The following FHIT variants were observed in gnomAD, a reference collection of about 807,000 sequenced individuals.
FHIT encodes bis(5'-adenosyl)-triphosphatase.
A neutral mutation model predicts 17.9 loss-of-function variants in FHIT; 19 were observed. The ratio of observed to expected loss-of-function variants is 1.06; its 90% CI spans 0.74 to 1.56. FHIT has a LOEUF of 1.56. Among genes scored for constraint, FHIT ranks in the 40% most tolerant of loss-of-function variants. The pLI is 0.00. For synonymous variants in FHIT, 81 were observed against 69.7 expected (o/e 1.16, Z -0.81); for missense variants, 248 against 189.2 (o/e 1.31, Z -1.82).
intron 4 of FHIT, among the ~76,000 whole-genome samples, chr3:60,555,040 G>A (rs142100975): frequency 8.5e-5 from 13 of 152,260 alleles, no homozygotes; most frequent in Non-Finnish European, 1.5e-4. Context: ...CATTTTTTAC[G>A]TAACAGTGTA....
chr3:60,529,959 G>A (rs932618329), intron 5 of FHIT, among the ~76,000 whole-genome samples: 4 of 151,760 alleles, frequency 2.6e-5, no homozygotes. Context: ...ATTTCTGGTT[G>A]CAAAAGTGAC....
intron 7 of FHIT, among the ~76,000 whole-genome samples, chr3:59,925,150 T>G (rs947817973): frequency 2.0e-5 from 3 of 151,856 alleles, no homozygotes; most frequent in African/African-American, 2.4e-5. Flanking sequence ...GTCACCCAGG[T>G]TGGAGTACAG....
At chr3:60,887,205 G>C (rs532864731) in intron 3 of FHIT, among the ~76,000 whole-genome samples, 4 of 151,986 alleles carry the variant, frequency 2.6e-5, no homozygotes, top group East Asian at 3.9e-4. Flanking sequence ...ACTTGTTTAG[G>C]TCGTCTAGAA....
intron 8 of FHIT, among the ~76,000 whole-genome samples, chr3:59,831,869 C>G (rs1024327983): frequency 6.6e-6 from 1 of 152,090 alleles, no homozygotes; most frequent in Admixed American, 6.6e-5. Flanking sequence ...AAGGGTATTG[C>G]TCCCCTTTCA....
chr3:59,933,143 A>G (rs2107236583), intron 7 of FHIT, among the ~76,000 whole-genome samples: 1 of 152,308 alleles, frequency 6.6e-6, no homozygotes, highest in Middle Eastern at 3.4e-3. Flanking sequence ...TGAGGCTGTC[A>G]GTTGAAAGAT....
intron 7 of FHIT, among the ~76,000 whole-genome samples, chr3:59,962,241 T>A (rs1398151459): frequency 6.6e-6 from 1 of 152,226 alleles, no homozygotes; most frequent in Non-Finnish European, 1.5e-5. Flanking sequence ...GGGAATATAA[T>A]CAGCCTTCTG....
At chr3:60,342,323 A>C (rs1710563158) in intron 5 of FHIT, among the ~76,000 whole-genome samples, 1 of 152,222 alleles carries the variant, frequency 6.6e-6, no homozygotes. Context: ...TTTAAAAGTC[A>C]CTGAATAGAC....
rs192261383 is a variant in FHIT, at chr3:60,761,115, A to G, written c.-18+60804T>C. On this transcript the variant is annotated intron_variant, in intron 4 of 9. Transcript: ENST00000492590. ...GGAAAGACTAATGACCTTTGACATT[A>G]AAATTTAAAATGTCCTGCATGCAAA... is the stretch of plus-strand genomic sequence containing the variant. 4.5e-3 allele frequency among the ~76,000 whole-genome samples: 684 copies of G among 152,332 alleles called. 8 individuals carry two copies. Among genetic ancestry groups the G allele is most frequent in the African/African-American group, 0.016 (664 of 41,578 alleles).
At chr3:60,378,690 G>A (rs1362002087) in intron 5 of FHIT, among the ~76,000 whole-genome samples, 1 of 152,168 alleles carries the variant, frequency 6.6e-6, no homozygotes, top group African/African-American at 2.4e-5. Flanking sequence ...ATTTCAAGAT[G>A]GGTGTGACAT....
chr3:60,128,777 T>C (rs773041698), intron 5 of FHIT, among the ~76,000 whole-genome samples: 1 of 152,168 alleles, frequency 6.6e-6, no homozygotes, highest in Non-Finnish European at 1.5e-5. Flanking sequence ...ATTCCATGTA[T>C]GCTCAATGAA....
intron 3 of FHIT, among the ~76,000 whole-genome samples, chr3:60,936,963 A>G (rs1708218357): frequency 6.6e-6 from 1 of 151,820 alleles, no homozygotes; most frequent in Non-Finnish European, 1.5e-5. Flanking sequence ...AAATGACTAA[A>G]CTGTATTGCT....
chr3:60,927,073 C>T (rs1028519024), intron 3 of FHIT, among the ~76,000 whole-genome samples: 16 of 152,220 alleles, frequency 1.1e-4, no homozygotes, highest in Non-Finnish European at 1.6e-4. Flanking sequence ...TGTACTGCCA[C>T]GATCTCGGCT....
intron 5 of FHIT, among the ~76,000 whole-genome samples, chr3:60,177,494 T>C (rs952116157): frequency 2.0e-5 from 3 of 152,180 alleles, no homozygotes; most frequent in African/African-American, 4.8e-5. Context: ...GGAATGATTC[T>C]AACTATAGTC....
chr3:61,030,525 C>T (rs949326440), intron 3 of FHIT, among the ~76,000 whole-genome samples: 1 of 152,190 alleles, frequency 6.6e-6, no homozygotes, highest in Non-Finnish European at 1.5e-5. Context: ...CTGCCATATA[C>T]ATTTTAATCA....
intron 2 of FHIT, among the ~76,000 whole-genome samples, chr3:61,153,771 A>T (rs1218070471): frequency 6.6e-6 from 1 of 152,224 alleles, no homozygotes; most frequent in Non-Finnish European, 1.5e-5. Flanking sequence ...GTTATTATGA[A>T]AATGGTGATT....
At position 60,362,838 on chromosome 3, in the gene FHIT, C is replaced by T. The variant is rs564197673; in HGVS notation, c.103+174022G>A. ...AAAAGTCAAATGAGTCTTCAATAAACGGCAGACAAATCCCAAACAAAAAGA... is the reference window on the plus strand; with the variant it reads ...AAAAGTCAAATGAGTCTTCAATAAATGGCAGACAAATCCCAAACAAAAAGA... On this transcript the variant is annotated intron_variant, in intron 5 of 9. Transcript: ENST00000492590. Among the ~76,000 whole-genome samples, 8 of 152,194 alleles carry T rather than the reference C, an allele frequency of 5.3e-5. No homozygotes were observed. In the South Asian group the frequency reaches 8.3e-4, roughly 16 times the overall value.
intron 1 of FHIT, among the ~76,000 whole-genome samples, chr3:61,240,282 GGTATCAGCAGCTCTC>G (rs2040342765): frequency 6.6e-6 from 1 of 152,174 alleles, no homozygotes; most frequent in Non-Finnish European, 1.5e-5. Flanking sequence ...CTCTTCTGAA[GGTATCAGCAGCTCTC>G]GTTAACCAGG....
At chr3:60,053,682 C>T (rs57439204) in intron 5 of FHIT, among the ~76,000 whole-genome samples, 33,006 of 151,768 alleles carry the variant, frequency 0.22, 4,140 homozygotes, top group African/African-American at 0.33. Context: ...CCCCCACCCC[C>T]GCTTTTTTGC....
At chr3:60,895,670 CT>C (rs1705761345) in intron 3 of FHIT, among the ~76,000 whole-genome samples, 1 of 29,896 alleles carries the variant, frequency 3.3e-5, no homozygotes, top group African/African-American at 6.8e-5. Flanking sequence ...TCCTTCCTTT[CT>C]TTCTTTCTTT....
Sources: allele counts gnomAD v4.1 joint callset (sites outside exome capture counted in the v4.1 genomes callset), GRCh38; gene constraint gnomAD v4.1.1; transcripts MANE v1.5; gene names NCBI Gene and HGNC (gene_info 2026-07-23, HGNC 2026-07-21).